Variants in PPM1B observed in about 807,000 individuals in gnomAD.
PPM1B encodes protein phosphatase 1B.
PPM1B carries 22 observed loss-of-function variants against 43.0 expected under a neutral mutation model. The ratio of observed to expected loss-of-function variants is 0.51; its 90% CI spans 0.37 to 0.73. The LOEUF (loss-of-function observed/expected upper bound fraction) is 0.73, where lower values mean the gene tolerates loss of function less well. Ranked by LOEUF, PPM1B falls within the 30% of genes least tolerant of loss-of-function variation. The probability of loss-of-function intolerance (pLI) is 0.00; values close to 1 mark genes in which losing one functional copy is unlikely to be tolerated. For synonymous variants in PPM1B, 217 were observed against 197.9 expected, an observed-to-expected ratio of 1.10 and a Z score of -0.81; for missense variants, 632 against 584.2, an observed-to-expected ratio of 1.08 and a Z score of -0.84.
At chr2:44,231,712 C>T (rs1402544948), downstream of PPM1B, among the ~76,000 whole-genome samples, 7 of 152,018 alleles carry the variant, frequency 4.6e-5, no homozygotes, top group Admixed American at 4.6e-4. Flanking sequence ...ACATTATGGG[C>T]ACACATTAGA....
chr2:44,193,031 G>A (rs1374586742), intron 1 of PPM1B, among the ~76,000 whole-genome samples: 2 of 152,160 alleles, frequency 1.3e-5, no homozygotes, highest in Non-Finnish European at 2.9e-5. Flanking sequence ...CAGTGAACAT[G>A]GGAGTGCCGA....
chr2:44,173,445 G>A (rs983074954), intron 1 of PPM1B, among the ~76,000 whole-genome samples: 1 of 150,396 alleles, frequency 6.6e-6, no homozygotes, highest in Non-Finnish European at 1.5e-5. Context: ...CTCATACTTC[G>A]TAGTTTTCCT....
At chr2:44,205,348 GGTGTGGGTGTGT>G (rs1000915575) in intron 2 of PPM1B, among the ~76,000 whole-genome samples, 6 of 94,344 alleles carry the variant, frequency 6.4e-5, no homozygotes, top group Admixed American at 3.6e-4. Context: ...TGTGGGTGTG[GGTGTGGGTGTGT>G]GTGTGTGTGT....
chr2:44,218,000 C>G lies in PPM1B; in HGVS notation c.998C>G (p.Pro333Arg), dbSNP rs768674107. 6.8e-6 allele frequency: 11 copies of G among 1,606,834 alleles called. No homozygotes were observed. Among genetic ancestry groups the G allele is most frequent in the East Asian group, 2.2e-5 (1 of 44,728 alleles). The change falls in exon 4 of 6, where the codon CCT (proline) becomes CGT (arginine). Residue 333 changes from proline (P) to arginine (R), a missense_variant. Coordinates refer to ENST00000282412, the MANE Select transcript of PPM1B (RefSeq NM_002706.6). Reference sequence around the variant, plus strand: ...GAGAAGTCTGGCGAGGAAGGAATGCCTGATCTTGCCCATGTCATGCGCATC... The same window carrying G: ...GAGAAGTCTGGCGAGGAAGGAATGCGTGATCTTGCCCATGTCATGCGCATC... ...IMEKSGEEGM[P>R]DLAHVMRILS... is the part of the protein sequence containing the mutation.
At chr2:44,173,867 C>T (rs1464619249) in intron 1 of PPM1B, among the ~76,000 whole-genome samples, 4 of 152,124 alleles carry the variant, frequency 2.6e-5, no homozygotes, top group Non-Finnish European at 4.4e-5. Context: ...TGCTTGTACC[C>T]GAGAGGTGAA....
At chr2:44,213,081 G>T (rs2104197735) in intron 3 of PPM1B, among the ~76,000 whole-genome samples, 1 of 140,646 alleles carries the variant, frequency 7.1e-6, no homozygotes, top group African/African-American at 2.6e-5. Context: ...CTGAGAAAAT[G>T]AAAATTTTTC....
At chr2:44,206,515 G>A (rs1669194930) in intron 2 of PPM1B, among the ~76,000 whole-genome samples, 1 of 152,070 alleles carries the variant, frequency 6.6e-6, no homozygotes, top group South Asian at 2.1e-4. Context: ...AAATTTATTG[G>A]AACTCTCTTT....
At chr2:44,173,534 G>C (rs376702347) in intron 1 of PPM1B, among the ~76,000 whole-genome samples, 230 of 152,132 alleles carry the variant, frequency 1.5e-3, no homozygotes, top group African/African-American at 5.3e-3. Context: ...CTGAATTAAT[G>C]GTAAACCATG....
intron 1 of PPM1B, among the ~76,000 whole-genome samples, chr2:44,192,544 T>C (rs997877555): frequency 1.3e-5 from 2 of 152,232 alleles, no homozygotes; most frequent in African/African-American, 4.8e-5. Flanking sequence ...AATGTTTTCT[T>C]TAACTTGACA....
At chr2:44,200,915 C>A (rs1002692819) in intron 1 of PPM1B, among the ~76,000 whole-genome samples, 1 of 152,176 alleles carries the variant, frequency 6.6e-6, no homozygotes, top group Non-Finnish European at 1.5e-5. Context: ...ACATACAAGT[C>A]ACCAGAGAGG....
downstream of PPM1B, among the ~76,000 whole-genome samples, chr2:44,246,784 T>A (rs1280485295): frequency 6.6e-6 from 1 of 152,240 alleles, no homozygotes; most frequent in Admixed American, 6.5e-5. Flanking sequence ...TTATGCATTT[T>A]AAAAATCCTG....
chr2:44,227,477 C>T (rs938166557), intron 5 of PPM1B, among the ~76,000 whole-genome samples: 2 of 150,934 alleles, frequency 1.3e-5, no homozygotes, highest in African/African-American at 4.9e-5. Flanking sequence ...GATACACAGA[C>T]GTATATGTAT....
chr2:44,243,784 T>A (rs1248358263), intron 5 of PPM1B, among the ~76,000 whole-genome samples: 1 of 152,200 alleles, frequency 6.6e-6, no homozygotes, highest in Non-Finnish European at 1.5e-5. Context: ...AAATGCCCCT[T>A]ATTATTCTAC....
At chr2:44,246,193 C>T (rs1176792082), downstream of PPM1B, among the ~76,000 whole-genome samples, 2 of 152,122 alleles carry the variant, frequency 1.3e-5, no homozygotes, top group Non-Finnish European at 2.9e-5. Context: ...GCAGAACTGT[C>T]TCCTCCTTTA....
intron 5 of PPM1B, among the ~76,000 whole-genome samples, chr2:44,222,792 C>T (rs989113292): frequency 6.6e-6 from 1 of 152,114 alleles, no homozygotes; most frequent in South Asian, 2.1e-4. Flanking sequence ...AAAATCATTT[C>T]CCATTCTTTT....
chr2:44,231,500 T>G (rs1670468033), downstream of PPM1B: 4 of 946,108 alleles, frequency 4.2e-6, no homozygotes, highest in Non-Finnish European at 5.0e-6. Flanking sequence ...TTTGAATTAA[T>G]TTTTTAAAAA....
At chr2:44,212,535 C>G (rs1213347049) in intron 3 of PPM1B, among the ~76,000 whole-genome samples, 1 of 152,158 alleles carries the variant, frequency 6.6e-6, no homozygotes, top group Non-Finnish European at 1.5e-5. Flanking sequence ...CAAAATTATT[C>G]AGGAACATGA....
chr2:44,201,809 G>A lies in PPM1B; in HGVS notation c.610G>A (p.Asp204Asn), dbSNP rs373245967. 1 of 1,614,066 alleles carries A rather than the reference G, an allele frequency of 6.2e-7. No homozygotes were observed. Among genetic ancestry groups the A allele is most frequent in the East Asian group, 2.2e-5 (1 of 44,896 alleles). ...GSLAVSRALG[D>N]YDYKCVDGKG... ...ATTAGCAGTATCTCGTGCTCTGGGG[G>A]ACTATGATTACAAGTGTGTTGATGG... is the stretch of plus-strand genomic sequence containing the variant. The change falls in exon 2 of 6, where the codon GAC becomes AAC. Residue 204 changes from aspartate (D) to asparagine (N), a missense_variant. This residue lies in a region of PPM1B where 40 missense variants were observed against 80.8 expected (regional missense o/e 0.50). Transcript: ENST00000282412. This position sits in a 1 kb window ranked among gnomAD's most constrained non-coding sequence, Gnocchi z 5.4.
intron 1 of PPM1B, among the ~76,000 whole-genome samples, chr2:44,190,442 A>C (rs1293322953): frequency 6.6e-6 from 1 of 152,214 alleles, no homozygotes; most frequent in Non-Finnish European, 1.5e-5. Context: ...TACAGGCGTG[A>C]GCCACTGTGC....
Sources: gnomAD v4.1 joint callset for allele counts (sites outside exome capture counted in the v4.1 genomes callset) on GRCh38, gnomAD v4.1.1 for gene constraint, gnomAD v4.1.1 regional missense constraint, Gnocchi (gnomAD v3.1) non-coding constraint, MANE v1.5 for transcripts, NCBI Gene and HGNC (gene_info 2026-07-23, HGNC 2026-07-21) for gene names.